The following TTC7A variants were observed in gnomAD, a reference collection of about 807,000 sequenced individuals.
TTC7A encodes the protein tetratricopeptide repeat domain 7A, also known as tetratricopeptide repeat protein 7A.
TTC7A carries 110 observed loss-of-function variants against 103.7 expected under a neutral mutation model. The ratio of observed to expected loss-of-function variants is 1.06; its 90% confidence interval spans 0.91 to 1.24. The LOEUF is 1.24. Among genes scored for constraint, TTC7A ranks in the 50% most tolerant of loss-of-function variants. The pLI is 0.00. For missense variants in TTC7A, 1,340 were observed against 1,116.3 expected, an observed-to-expected ratio of 1.20 and a Z score of -2.86; for synonymous variants, 521 against 467.9, an observed-to-expected ratio of 1.11 and a Z score of -1.47.
upstream of TTC7A, among the ~76,000 whole-genome samples, chr2:46,939,545 C>G (rs1256490234): frequency 6.6e-6 from 1 of 152,186 alleles, no homozygotes; most frequent in Non-Finnish European, 1.5e-5. Flanking sequence ...CAGTGATTCC[C>G]TCTACAGTTA....
chr2:46,959,761 C>T (rs758448526), intron 3 of TTC7A, among the ~76,000 whole-genome samples: 16 of 152,116 alleles, frequency 1.1e-4, no homozygotes, highest in Non-Finnish European at 1.9e-4. Context: ...TTCTGATTCC[C>T]GGGGAGGCTT....
intron 15 of TTC7A, among the ~76,000 whole-genome samples, chr2:47,033,880 A>G (rs562127350): frequency 6.2e-4 from 95 of 152,300 alleles, no homozygotes; most frequent in Non-Finnish European, 1.3e-3. Flanking sequence ...GGGCCCTGAC[A>G]GAGGCAGGGA....
intron 5 of TTC7A, among the ~76,000 whole-genome samples, chr2:46,988,931 G>T (rs1014739478): frequency 2.0e-5 from 3 of 152,192 alleles, no homozygotes; most frequent in African/African-American, 7.2e-5. Flanking sequence ...GGAACATAGG[G>T]ATTTATTTAT....
Position 46,941,933 on chromosome 2 carries a change from C to T in TTC7A, c.184+208C>T. On this transcript the variant is annotated intron_variant, in intron 1 of 19. Coordinates refer to ENST00000319190, the MANE Select transcript of TTC7A (RefSeq NM_020458.4). This position sits in a 1 kb window ranked among gnomAD's most constrained non-coding sequence, Gnocchi z 4.2. ...TTTGGGGGCTTGGAGGGAAGAGAAA[C>T]GGCTTTTGCTCTGTGTCCTTTAGGA... The T allele has an allele frequency of 1.6e-6, 1 of 640,786 alleles. No individual in the cohort carries two copies. The highest frequency in any genetic ancestry group is 2.9e-5 in the Admixed American group (1 of 34,058). 39.7% of individuals were successfully genotyped at this position (640,786 alleles called of 1,614,324 possible).
chr2:47,068,553 T>G (rs924615426), intron 19 of TTC7A: 1 of 152,094 alleles, frequency 6.6e-6, no homozygotes, highest in Non-Finnish European at 1.5e-5. Flanking sequence ...TGAGGTCACA[T>G]TCCCTGATGG....
chr2:46,993,472 G>C lies in TTC7A; in HGVS notation c.787G>C (p.Glu263Gln). The change falls in exon 6 of 20, where the codon GAG becomes CAG. Residue 263 changes from glutamate (E) to glutamine (Q), a missense_variant. Physicochemically the swap from Glu to Gln is conservative, Grantham distance 29 (BLOSUM62 2). Transcript: ENST00000319190. ...KKGNIVKGMRELREVLRTVET... is the reference protein window; with the variant it reads ...KKGNIVKGMRQLREVLRTVET... ...CAGGAACATCGTGAAGGGCATGAGAGAGCTCCGGGAGGTGCTGCGGACTGT... is the reference window on the plus strand; with the variant it reads ...CAGGAACATCGTGAAGGGCATGAGACAGCTCCGGGAGGTGCTGCGGACTGT... The C allele has an allele frequency of 6.2e-7, 1 of 1,614,216 alleles. No individual in the cohort carries two copies.
chr2:47,014,395 C>G (rs945106808), intron 11 of TTC7A, among the ~76,000 whole-genome samples: 1 of 152,196 alleles, frequency 6.6e-6, no homozygotes, highest in Non-Finnish European at 1.5e-5. Flanking sequence ...GTAAAGAGAG[C>G]AGGCTGTGGG....
rs73926959 is a variant in TTC7A, at chr2:46,916,316, G to A, written c.-274G>A. The A allele has an allele frequency of 5.3e-3, 1,950 of 365,582 alleles. 44 individuals are homozygous for A. The highest frequency in any genetic ancestry group is 0.039 in the African/African-American group (1,793 of 45,464). The allele number at this position is 365,582 out of a possible 1,614,324, so 22.6% of individuals were successfully genotyped here. A position where few individuals can be genotyped will look rare whatever the true frequency, so the allele number is the denominator to read the frequency against. On this transcript the variant is annotated 5_prime_UTR_variant, in exon 1 of 21. Transcript: ENST00000409245. Reference sequence around the variant, plus strand: ...CAAGATTGGCCTGCTTCCAGCGTCTGCCAGCTCCACTGCACAAGCTGCGGC... The same window carrying A: ...CAAGATTGGCCTGCTTCCAGCGTCTACCAGCTCCACTGCACAAGCTGCGGC...
intron 15 of TTC7A, among the ~76,000 whole-genome samples, chr2:47,038,477 A>G (rs907046203): frequency 6.6e-6 from 1 of 152,224 alleles, no homozygotes; most frequent in Admixed American, 6.5e-5. Context: ...TGACTCAGAG[A>G]ATAGCCTGCT....
Position 47,073,849 on chromosome 2 carries a change from T to C in TTC7A, c.2503T>C (p.Cys835Arg), listed in dbSNP as rs1684990586. 1 of 1,613,698 alleles carries C rather than the reference T, an allele frequency of 6.2e-7. No individual in the cohort carries two copies. The highest frequency in any genetic ancestry group is 8.5e-7 in the Non-Finnish European group (1 of 1,180,044). ...GGGCCAGAACGAGGCTGCCGTTGAC[T>C]GCTTCCTCACCGCCCTTGAGCTGGA... ...AQGQNEAAVD[C>R]FLTALELEAS... The change falls in exon 20 of 20, where the codon TGC becomes CGC. Residue 835 changes from cysteine to arginine, a missense_variant. Physicochemically the swap from Cys to Arg is radical, Grantham distance 180. Transcript: ENST00000319190.
rs975749689 is a variant in TTC7A, at chr2:46,917,163, T to C, written c.-12-21T>C. The C allele has an allele frequency of 4.3e-6, 3 of 693,074 alleles. No homozygotes were observed. In the African/African-American group the frequency reaches 5.3e-5, roughly 12 times the overall value. 42.9% of individuals were successfully genotyped at this position (693,074 alleles called of 1,614,324 possible). On this transcript the variant is annotated intron_variant, in intron 1 of 20. Transcript: ENST00000409245. Reference sequence around the variant, plus strand: ...CAGAGAAAAATCCCATAATCCCTAATTTTTTTTTCTTTTTTTAAAGAAAAG... The same window carrying C: ...CAGAGAAAAATCCCATAATCCCTAACTTTTTTTTCTTTTTTTAAAGAAAAG...
intron 18 of TTC7A, among the ~76,000 whole-genome samples, chr2:47,055,043 C>T (rs919956884): frequency 2.0e-5 from 3 of 152,074 alleles, no homozygotes; most frequent in African/African-American, 4.8e-5. Context: ...AAGCATCTAC[C>T]AAGCACCTGT....
In TTC7A at chr2:46,941,405, C is replaced by T. The variant is rs1163117441; in HGVS notation, c.-137C>T. The T allele has an allele frequency of 1.3e-6, 1 of 767,250 alleles. No individual in the cohort carries two copies. Among genetic ancestry groups the T allele is most frequent in the African/African-American group, 2.2e-5 (1 of 45,940 alleles). 47.5% of individuals were successfully genotyped at this position (767,250 alleles called of 1,614,324 possible). On this transcript the variant is annotated 5_prime_UTR_variant, in exon 1 of 20. Coordinates refer to ENST00000319190, the MANE Select transcript of TTC7A (RefSeq NM_020458.4). The surrounding 1 kb of genome is among the most constrained non-coding windows in gnomAD (Gnocchi z 4.2). The stretch of plus-strand genomic sequence containing the variant: ...TGCTGCCCACCCTCCGCCGCCCGGG[C>T]CCCCGCTGCCGCCCGGGCCCCGGCT...
At chr2:46,945,541 C>T (rs1670861749) in intron 1 of TTC7A, among the ~76,000 whole-genome samples, 1 of 152,224 alleles carries the variant, frequency 6.6e-6, no homozygotes, top group African/African-American at 2.4e-5. Flanking sequence ...AGCCACCGTG[C>T]CCAGCTACCT....
At chr2:46,955,103 A>G (rs1305033476) in intron 2 of TTC7A, among the ~76,000 whole-genome samples, 1 of 152,208 alleles carries the variant, frequency 6.6e-6, no homozygotes, top group Non-Finnish European at 1.5e-5. Flanking sequence ...GCTCTTTTCC[A>G]AAGAAAAGTT....
chr2:47,049,742 C>T (rs898524791), intron 16 of TTC7A, among the ~76,000 whole-genome samples: 2 of 152,000 alleles, frequency 1.3e-5, no homozygotes, highest in African/African-American at 4.8e-5. Context: ...GTGTGGTATG[C>T]GACCCACGTT....
At chr2:46,945,939 C>G (rs1670899023) in intron 1 of TTC7A, among the ~76,000 whole-genome samples, 2 of 152,324 alleles carry the variant, frequency 1.3e-5, no homozygotes, top group East Asian at 3.9e-4. Context: ...GGGGAAGGGC[C>G]TGGTCTGAAT....
intron 2 of TTC7A, among the ~76,000 whole-genome samples, chr2:46,955,541 C>G (rs374782509): frequency 6.6e-6 from 1 of 152,034 alleles, no homozygotes; most frequent in Non-Finnish European, 1.5e-5. Flanking sequence ...GAGCAAGGCC[C>G]CAAAGGATAG....
intron 16 of TTC7A, chr2:47,047,289 T>C: frequency 6.5e-7 from 1 of 1,549,970 alleles, no homozygotes; most frequent in Non-Finnish European, 8.7e-7. Flanking sequence ...CCAGAAGGCT[T>C]CCAGACTCCC....
Sources: allele counts gnomAD v4.1 joint callset (sites outside exome capture counted in the v4.1 genomes callset), GRCh38; gene constraint gnomAD v4.1.1; non-coding constraint Gnocchi (gnomAD v3.1); transcripts MANE v1.5; gene names NCBI Gene and HGNC (gene_info 2026-07-23, HGNC 2026-07-21).